GRXCR1: variants seen among roughly 807,000 people sequenced by gnomAD.
The protein encoded by GRXCR1 is glutaredoxin and cysteine rich domain containing 1.
GRXCR1 carries 27 observed loss-of-function variants against 27.3 expected under a neutral mutation model. The ratio of observed to expected loss-of-function variants is 0.99; its 90% CI spans 0.73 to 1.37. The LOEUF (loss-of-function observed/expected upper bound fraction) is 1.37. Ranked by LOEUF, GRXCR1 falls within the 40% of genes most tolerant of loss-of-function variation. The pLI is 0.00. For missense variants in GRXCR1, 379 were observed against 354.4 expected (o/e 1.07, Z -0.56); for synonymous variants, 122 against 131.1 (o/e 0.93, Z 0.47).
chr4:43,027,730 G>T (rs1435759885), intron 3 of GRXCR1, among the ~76,000 whole-genome samples: 2 of 152,190 alleles, frequency 1.3e-5, no homozygotes, highest in Non-Finnish European at 2.9e-5. Flanking sequence ...TTGGGTCATA[G>T]CAGGAGTTGA....
At chr4:42,958,931 C>A (rs1037788965) in intron 1 of GRXCR1, among the ~76,000 whole-genome samples, 2 of 151,868 alleles carry the variant, frequency 1.3e-5, no homozygotes, top group African/African-American at 4.8e-5. Context: ...GCAAGTGTTG[C>A]ACATGTGTGA....
chr4:42,962,903 T>C lies in GRXCR1; in HGVS notation c.396T>C (p.Thr132=). The C allele has an allele frequency of 6.2e-7, 1 of 1,612,648 alleles. No homozygotes were observed. The highest frequency in any genetic ancestry group is 8.5e-7 in the Non-Finnish European group (1 of 1,178,938). The change falls in exon 2 of 4, where the codon ACT becomes ACC. Residue 132 remains threonine (T), a synonymous_variant. Transcript: ENST00000399770. ...NLTKVLQQPS[T]DLEFDRVVIY... ...TGTTTTCCCTTCAGCAACCATCAAC[T>C]GATCTAGAATTTGACCGTGTAGTGA...
rs73175994 is a variant in GRXCR1, at chr4:42,924,444, G to A, written c.384+30794G>A. On this transcript the variant is annotated intron_variant, in intron 1 of 3. Transcript: ENST00000399770. ...TTAATTTCATTTCACAGATAAGAAA[G>A]CAGAGGCTCAGAAAATTTACATAAT... is the stretch of plus-strand genomic sequence containing the variant. Among the ~76,000 whole-genome samples the A allele has an allele frequency of 6.1e-3, 934 of 152,106 alleles. 19 individuals carry two copies. Among genetic ancestry groups the A allele is most frequent in the African/African-American group, 0.021 (880 of 41,530 alleles).
intron 1 of GRXCR1, among the ~76,000 whole-genome samples, chr4:42,898,089 TA>T (rs1457797301): frequency 6.6e-6 from 1 of 151,926 alleles, no homozygotes; most frequent in Non-Finnish European, 1.5e-5. Flanking sequence ...ACTATATGCA[TA>T]AACTCCCAAC....
intron 2 of GRXCR1, among the ~76,000 whole-genome samples, chr4:42,977,408 T>C (rs1157314588): frequency 3.3e-5 from 5 of 152,032 alleles, no homozygotes. Flanking sequence ...CTTACCATAA[T>C]GGCTATGTTA....
intron 2 of GRXCR1, among the ~76,000 whole-genome samples, chr4:43,003,168 C>A (rs562806434): frequency 6.6e-6 from 1 of 152,278 alleles, no homozygotes; most frequent in East Asian, 1.9e-4. Context: ...ACTTAAACTT[C>A]TTTTCTTCAT....
chr4:42,975,605 G>T (rs1168751532), intron 2 of GRXCR1, among the ~76,000 whole-genome samples: 2 of 152,060 alleles, frequency 1.3e-5, no homozygotes, highest in African/African-American at 2.4e-5. Context: ...GGAGTCCACG[G>T]TCTTACTGGA....
rs1385521299 is a variant in GRXCR1, at chr4:42,963,072, T to C, written c.565T>C (p.Cys189Arg). ...ATATGGAAAAGAGTTAGACGAACGATGCCGACGAGTTTCTGAAGCTCCTTC... is the reference window on the plus strand; with the variant it reads ...ATATGGAAAAGAGTTAGACGAACGACGCCGACGAGTTTCTGAAGCTCCTTC... ...GEYGKELDER[C>R]RRVSEAPSLP... The change falls in exon 2 of 4, where the codon TGC (cysteine) becomes CGC (arginine). Residue 189 changes from cysteine (C) to arginine (R), a missense_variant. Coordinates refer to ENST00000399770, the MANE Select transcript of GRXCR1 (RefSeq NM_001080476.3). 6.2e-7 allele frequency: 1 copy of C among 1,612,864 alleles called. No homozygotes were observed. The highest frequency in any genetic ancestry group is 1.7e-5 in the Admixed American group (1 of 59,934).
chr4:43,029,397 G>T (rs1177028182), intron 3 of GRXCR1, among the ~76,000 whole-genome samples: 1 of 152,108 alleles, frequency 6.6e-6, no homozygotes, highest in African/African-American at 2.4e-5. Context: ...CAAAGCCAGG[G>T]TTTCAAACAC....
At position 42,963,002 on chromosome 4, in the gene GRXCR1, C is replaced by T. The variant is rs1379457934; in HGVS notation, c.495C>T (p.Asn165=). The change falls in exon 2 of 4, where the codon AAC becomes AAT. Residue 165 remains asparagine (N), a synonymous_variant. Coordinates refer to ENST00000399770, the MANE Select transcript of GRXCR1 (RefSeq NM_001080476.3). The part of the protein sequence containing the change: ...RCELVRKIFQ[N]HRVKFEEKNI... Reference sequence around the variant, plus strand: ...AACTGGTTAGAAAGATTTTCCAAAACCATCGCGTAAAATTTGAAGAGAAAA... The same window carrying T: ...AACTGGTTAGAAAGATTTTCCAAAATCATCGCGTAAAATTTGAAGAGAAAA... 3 of 1,612,854 alleles carry T rather than the reference C, an allele frequency of 1.9e-6. No homozygotes were observed. The highest frequency in any genetic ancestry group is 1.1e-5 in the South Asian group (1 of 91,056).
At chr4:42,976,882 T>G (rs950664056) in intron 2 of GRXCR1, among the ~76,000 whole-genome samples, 10 of 151,978 alleles carry the variant, frequency 6.6e-5, no homozygotes, top group Non-Finnish European at 7.4e-5. Context: ...ACTCTAGTCC[T>G]CCAATAGACT....
intron 2 of GRXCR1, among the ~76,000 whole-genome samples, chr4:42,995,905 A>G (rs893542677): frequency 9.9e-5 from 15 of 152,212 alleles, no homozygotes; most frequent in Admixed American, 3.9e-4. Context: ...GCAACTCTGC[A>G]GTGTACTTGC....
At chr4:43,002,604 T>A (rs1431263258) in intron 2 of GRXCR1, among the ~76,000 whole-genome samples, 2 of 152,228 alleles carry the variant, frequency 1.3e-5, no homozygotes, top group Non-Finnish European at 2.9e-5. Context: ...GAGTCTCTTA[T>A]GTCTTCCCTT....
intron 1 of GRXCR1, among the ~76,000 whole-genome samples, chr4:42,917,582 T>C (rs1435688613): frequency 6.6e-6 from 1 of 152,144 alleles, no homozygotes. Context: ...ACACCTGTTT[T>C]AATTAAATTG....
At chr4:43,020,063 T>G (rs1010034743) in intron 2 of GRXCR1, among the ~76,000 whole-genome samples, 1 of 151,964 alleles carries the variant, frequency 6.6e-6, no homozygotes, top group Non-Finnish European at 1.5e-5. Context: ...TCCTGAAGAG[T>G]ATGCTGGCCC....
At chr4:43,028,618 G>GT (rs1166980411) in intron 3 of GRXCR1, among the ~76,000 whole-genome samples, 1 of 152,114 alleles carries the variant, frequency 6.6e-6, no homozygotes, top group Admixed American at 6.5e-5. Context: ...ATTCTTTCTA[G>GT]TATTTGATAA....
chr4:42,944,267 T>C (rs920415292), intron 1 of GRXCR1, among the ~76,000 whole-genome samples: 1 of 152,028 alleles, frequency 6.6e-6, no homozygotes, highest in Non-Finnish European at 1.5e-5. Flanking sequence ...TTTAGACTTG[T>C]TGAGTTTGAG....
At chr4:43,009,795 G>A (rs1712680459) in intron 2 of GRXCR1, among the ~76,000 whole-genome samples, 1 of 152,074 alleles carries the variant, frequency 6.6e-6, no homozygotes, top group African/African-American at 2.4e-5. Flanking sequence ...TTAAGGGTTA[G>A]GATTTGAACA....
In GRXCR1 at chr4:42,893,575, T is replaced by A. The variant is rs761578643; in HGVS notation, c.309T>A (p.Asn103Lys). The change falls in exon 1 of 4, where the codon AAT (asparagine) becomes AAA (lysine). Residue 103 changes from asparagine to lysine, a missense_variant. Coordinates refer to ENST00000399770, the MANE Select transcript of GRXCR1 (RefSeq NM_001080476.3). ...GAAGAGTCAACATTTTAAGCAAAAA[T>A]GGCACAGTCAGAGGCGTCAAATACA... ...GTRRVNILSK[N>K]GTVRGVKYKV... 9.9e-6 allele frequency: 16 copies of A among 1,613,788 alleles called. No individual in the cohort carries two copies. The East Asian group carries it at 3.3e-4, about 34-fold the overall frequency.
Sources: gnomAD v4.1 joint callset for allele counts (sites outside exome capture counted in the v4.1 genomes callset) on GRCh38, gnomAD v4.1.1 for gene constraint, MANE v1.5 for transcripts, NCBI Gene and HGNC (gene_info 2026-07-23, HGNC 2026-07-21) for gene names.